CNTNAP2: variants seen among roughly 807,000 people sequenced by gnomAD.
CNTNAP2 encodes the protein contactin associated protein 2.
In CNTNAP2, 98 loss-of-function variants were observed where a neutral mutation model predicts 155.2. The observed-to-expected ratio is 0.63, with a 90% CI of 0.54 to 0.75. The LOEUF (loss-of-function observed/expected upper bound fraction) is 0.75. CNTNAP2 is among the 30% of genes least tolerant of loss of function. The pLI is 0.00. For synonymous variants in CNTNAP2, 651 were observed against 631.2 expected, an observed-to-expected ratio of 1.03 and a Z score of -0.47; for missense variants, 1,727 against 1,688.1, an observed-to-expected ratio of 1.02 and a Z score of -0.40.
intron 18 of CNTNAP2, among the ~76,000 whole-genome samples, chr7:148,196,926 C>A (rs1346165684): frequency 1.3e-5 from 2 of 152,174 alleles, no homozygotes; most frequent in Admixed American, 6.5e-5. Context: ...ATTCAGGGAG[C>A]AGCCCCTAGA....
At chr7:146,616,360 GAATA>G (rs543724875) in intron 1 of CNTNAP2, among the ~76,000 whole-genome samples, 355 of 152,220 alleles carry the variant, frequency 2.3e-3, no homozygotes, top group African/African-American at 8.0e-3. Context: ...AGAGATGAAT[GAATA>G]AATAAAAAAT....
chr7:147,269,631 A>G (rs1269291033), intron 8 of CNTNAP2, among the ~76,000 whole-genome samples: 1 of 152,168 alleles, frequency 6.6e-6, no homozygotes, highest in Admixed American at 6.5e-5. Flanking sequence ...GCTGGAGGAG[A>G]CAGAAGGGCC....
chr7:147,772,186 G>T lies in CNTNAP2; in HGVS notation c.2099-131379G>T, dbSNP rs867455515. ...CACACCTGTAATCCCAGCACTTTGG[G>T]AGGCCAAGGCGGGTGGATCACGAGG... is the stretch of plus-strand genomic sequence containing the variant. On this transcript the variant is annotated intron_variant, in intron 13 of 23. Coordinates refer to ENST00000361727, the MANE Select transcript of CNTNAP2 (RefSeq NM_014141.6). 7.9e-5 allele frequency among the ~76,000 whole-genome samples: 12 copies of T among 151,754 alleles called. No homozygotes were observed. The Middle Eastern group carries it at 0.01, about 130-fold the overall frequency.
At chr7:147,300,085 T>C (rs1283525915) in intron 8 of CNTNAP2, 56 bp from the exon 9 acceptor site, 1 of 1,564,986 alleles carries the variant, frequency 6.4e-7, no homozygotes, top group Non-Finnish European at 8.8e-7. Context: ...ATTTTGGAAA[T>C]TGTGTTCAGC....
intron 3 of CNTNAP2, among the ~76,000 whole-genome samples, chr7:146,897,252 A>G (rs896395367): frequency 2.0e-5 from 3 of 152,080 alleles, no homozygotes; most frequent in Non-Finnish European, 2.9e-5. Flanking sequence ...CTTGTCTGAC[A>G]TTTAAGTTGA....
chr7:147,153,934 G>A (rs1399058033), intron 8 of CNTNAP2, among the ~76,000 whole-genome samples: 1 of 152,128 alleles, frequency 6.6e-6, no homozygotes, highest in Non-Finnish European at 1.5e-5. Flanking sequence ...GTTGGATTTG[G>A]AGTATAAGTT....
chr7:147,578,188 T>C (rs1800432373), intron 12 of CNTNAP2, among the ~76,000 whole-genome samples: 1 of 152,150 alleles, frequency 6.6e-6, no homozygotes, highest in African/African-American at 2.4e-5. Flanking sequence ...TTTGATACTT[T>C]TGATTGATAA....
chr7:147,018,180 A>G (rs1374937466), intron 3 of CNTNAP2, among the ~76,000 whole-genome samples: 1 of 152,132 alleles, frequency 6.6e-6, no homozygotes, highest in East Asian at 1.9e-4. Context: ...AATTTATCTT[A>G]CTAAACTCTG....
At chr7:146,529,896 C>T (rs1188631115) in intron 1 of CNTNAP2, among the ~76,000 whole-genome samples, 2 of 151,980 alleles carry the variant, frequency 1.3e-5, no homozygotes, top group Non-Finnish European at 2.9e-5. Context: ...ACCCAGGAGG[C>T]AGAGGTTGCA....
chr7:147,368,758 T>C (rs1211632998), intron 9 of CNTNAP2, among the ~76,000 whole-genome samples: 1 of 152,232 alleles, frequency 6.6e-6, no homozygotes, highest in Non-Finnish European at 1.5e-5. Context: ...CACATCTTTC[T>C]AAATACAAAA....
chr7:147,871,112 G>A (rs1799319780), intron 13 of CNTNAP2, among the ~76,000 whole-genome samples: 1 of 152,074 alleles, frequency 6.6e-6, no homozygotes, highest in Non-Finnish European at 1.5e-5. Context: ...CTCTATTTGA[G>A]CAGTTTGGTA....
intron 12 of CNTNAP2, among the ~76,000 whole-genome samples, chr7:147,567,983 G>A (rs961697609): frequency 3.3e-5 from 5 of 152,176 alleles, no homozygotes; most frequent in Non-Finnish European, 5.9e-5. Flanking sequence ...CTACACAGGA[G>A]GCTGAGACAG....
At chr7:147,043,284 A>T (rs934634968) in intron 3 of CNTNAP2, among the ~76,000 whole-genome samples, 1 of 152,172 alleles carries the variant, frequency 6.6e-6, no homozygotes, top group Non-Finnish European at 1.5e-5. Flanking sequence ...TAAAATTAAA[A>T]AAAAAGACAA....
intron 13 of CNTNAP2, among the ~76,000 whole-genome samples, chr7:147,811,514 T>A (rs78872411): frequency 6.6e-6 from 1 of 152,124 alleles, no homozygotes; most frequent in African/African-American, 2.4e-5. Flanking sequence ...ATATTACCGA[T>A]GTTTGGCTCA....
chr7:146,344,130 T>G (rs890976992), intron 1 of CNTNAP2, among the ~76,000 whole-genome samples: 3 of 152,204 alleles, frequency 2.0e-5, no homozygotes, highest in African/African-American at 7.2e-5. Flanking sequence ...AGAAAACTTT[T>G]TTTGTTGCAA....
chr7:147,569,844 T>C (rs1800250383), intron 12 of CNTNAP2, among the ~76,000 whole-genome samples: 1 of 152,244 alleles, frequency 6.6e-6, no homozygotes, highest in Non-Finnish European at 1.5e-5. Flanking sequence ...GCTCAGAGTC[T>C]TGCCAGGCTG....
intron 9 of CNTNAP2, among the ~76,000 whole-genome samples, chr7:147,306,282 T>A (rs944487788): frequency 1.3e-5 from 2 of 152,192 alleles, no homozygotes; most frequent in African/African-American, 4.8e-5. Flanking sequence ...ATGGCTCTTA[T>A]GAAGTTAAAA....
At chr7:146,830,729 A>G (rs1803493937) in intron 2 of CNTNAP2, among the ~76,000 whole-genome samples, 1 of 152,178 alleles carries the variant, frequency 6.6e-6, no homozygotes, top group Admixed American at 6.5e-5. Context: ...AGTGAAAAAC[A>G]TTTACATCAT....
intron 12 of CNTNAP2, among the ~76,000 whole-genome samples, chr7:147,586,523 G>GAGGGAGGGAGGAAGGAAGGAAGGAAGGA (rs1563009692): frequency 2.4e-5 from 1 of 42,008 alleles, no homozygotes; most frequent in Non-Finnish European, 4.1e-5. Flanking sequence ...AGAGAGAGAA[G>GAGGGAGGGAGGAAGGAAGGAAGGAAGGA]AGGAAGGAAG....
Sources: gnomAD v4.1 joint callset for allele counts (sites outside exome capture counted in the v4.1 genomes callset) on GRCh38, gnomAD v4.1.1 for gene constraint, MANE v1.5 for transcripts, NCBI Gene and HGNC (gene_info 2026-07-23, HGNC 2026-07-21) for gene names.